Variants in FNBP1 observed in about 807,000 individuals in gnomAD.
The protein encoded by FNBP1 is formin-binding protein 1.
A neutral mutation model predicts 90.6 loss-of-function variants in FNBP1; 26 were observed. The ratio of observed to expected loss-of-function variants is 0.29; its 90% CI spans 0.21 to 0.40. FNBP1 has a LOEUF of 0.40. Among genes scored for constraint, FNBP1 ranks in the 10% least tolerant of loss-of-function variants. The pLI, the probability that FNBP1 is intolerant of heterozygous loss-of-function variation, is 1.00. For synonymous variants in FNBP1, 260 were observed against 265.2 expected (o/e 0.98, Z 0.19); for missense variants, 635 against 768.0 (o/e 0.83, Z 2.05).
intron 4 of FNBP1, among the ~76,000 whole-genome samples, chr9:129,964,426 T>C (rs1025724693): frequency 2.6e-5 from 4 of 152,050 alleles, no homozygotes; most frequent in African/African-American, 9.7e-5. Context: ...TAAAACATAA[T>C]AATAAGCTAA....
chr9:129,950,375 C>T (rs1282928791), intron 6 of FNBP1, among the ~76,000 whole-genome samples: 7 of 152,166 alleles, frequency 4.6e-5, no homozygotes, highest in South Asian at 2.1e-4. Flanking sequence ...AATAGCAAAA[C>T]GATGCTCCCA....
intron 13 of FNBP1, among the ~76,000 whole-genome samples, chr9:129,902,629 T>C (rs1030388755): frequency 2.0e-5 from 3 of 152,112 alleles, no homozygotes; most frequent in Non-Finnish European, 4.4e-5. Context: ...CCGCACCGTA[T>C]ACAGATACAA....
At position 129,902,891 on chromosome 9, in the gene FNBP1, C is replaced by T. The variant is rs751979219; in HGVS notation, c.1406G>A (p.Arg469Gln). The change falls in exon 13 of 17, where the codon CGA (arginine) becomes CAA (glutamine). Residue 469 changes from arginine (R) to glutamine (Q), a missense_variant. Transcript: ENST00000446176. ...TACCTCAAATTTCTGGGTCTCTACT[C>T]GCAGTTTCTCTATATTTTGGCTGAC... ...AEVSQNIEKL[R>Q]VETQKFEAWL... 1.2e-5 allele frequency: 19 copies of T among 1,613,526 alleles called. No individual in the cohort carries two copies. Among genetic ancestry groups the T allele is most frequent in the Non-Finnish European group, 1.4e-5 (17 of 1,179,828 alleles).
Position 129,988,991 on chromosome 9 carries a change from A to C in FNBP1, c.140+5852T>G, listed in dbSNP as rs146489891. Among the ~76,000 whole-genome samples the C allele has an allele frequency of 1.5e-3, 236 of 152,302 alleles. 2 individuals are homozygous for C. The highest frequency in any genetic ancestry group is 2.4e-3 in the Non-Finnish European group (162 of 68,024). On this transcript the variant is annotated intron_variant, in intron 2 of 16. Coordinates refer to ENST00000446176, the MANE Select transcript of FNBP1 (RefSeq NM_015033.3). ...CAACATCATATTACTATTTCAACCA[A>C]GTATCTGTTGAATATTCTGTAGCCA...
At chr9:129,981,050 CAAAA>C (rs71385498) in intron 2 of FNBP1, among the ~76,000 whole-genome samples, 6 of 120,472 alleles carry the variant, frequency 5.0e-5, no homozygotes, top group Admixed American at 1.7e-4. Flanking sequence ...GACTCCGTCT[CAAAA>C]AAAAAAAAAA....
At chr9:129,965,053 G>A (rs1005652856) in intron 4 of FNBP1, among the ~76,000 whole-genome samples, 1 of 152,154 alleles carries the variant, frequency 6.6e-6, no homozygotes, top group African/African-American at 2.4e-5. Flanking sequence ...AACTCACAGC[G>A]TAGTAGTGGG....
At chr9:129,931,330 G>A (rs774700753) in intron 6 of FNBP1, among the ~76,000 whole-genome samples, 7 of 152,006 alleles carry the variant, frequency 4.6e-5, no homozygotes, top group Non-Finnish European at 1.0e-4. Context: ...TTGGCTGGGC[G>A]CGGTGGCTCA....
intron 2 of FNBP1, among the ~76,000 whole-genome samples, chr9:129,990,608 G>A (rs753099381): frequency 1.6e-4 from 24 of 152,286 alleles, no homozygotes; most frequent in Admixed American, 4.6e-4. Flanking sequence ...TTCACCGTAA[G>A]GTTTTTGGAT....
At chr9:129,994,574 A>T (rs1159556757) in intron 2 of FNBP1, among the ~76,000 whole-genome samples, 1 of 152,204 alleles carries the variant, frequency 6.6e-6, no homozygotes, top group Non-Finnish European at 1.5e-5. Flanking sequence ...ATATTTCAAT[A>T]AAAAGTTTAC....
chr9:130,006,001 C>A (rs1296186678), intron 1 of FNBP1, among the ~76,000 whole-genome samples: 1 of 151,584 alleles, frequency 6.6e-6, no homozygotes, highest in Non-Finnish European at 1.5e-5. Flanking sequence ...TGTGAGGTAA[C>A]TGACAAAAAG....
chr9:129,934,557 C>T (rs554935933), intron 6 of FNBP1, among the ~76,000 whole-genome samples: 6 of 139,722 alleles, frequency 4.3e-5, no homozygotes, highest in Admixed American at 2.4e-4. Context: ...ATGGCTTATA[C>T]ATGATTTCAC....
chr9:129,917,641 A>C (rs181219016), intron 10 of FNBP1, among the ~76,000 whole-genome samples: 21 of 152,322 alleles, frequency 1.4e-4, no homozygotes, highest in African/African-American at 4.8e-4. Flanking sequence ...AGCCTAAAAA[A>C]CTAATTCTTA....
intron 1 of FNBP1, among the ~76,000 whole-genome samples, chr9:130,027,797 G>T (rs2058481931): frequency 6.6e-6 from 1 of 152,120 alleles, no homozygotes; most frequent in Non-Finnish European, 1.5e-5. Flanking sequence ...TCTATGGTTG[G>T]CTTCTCCGTA....
At chr9:130,051,192 C>T in the FNBP1 span, among the ~76,000 whole-genome samples, 3 of 151,880 alleles carry the variant, frequency 2.0e-5, no homozygotes, top group African/African-American at 4.8e-5. Context: ...TGAGCCACCG[C>T]CCCTGGCCTA....
chr9:129,990,937 T>G (rs2053040757), intron 2 of FNBP1, among the ~76,000 whole-genome samples: 1 of 150,102 alleles, frequency 6.7e-6, no homozygotes, highest in African/African-American at 2.5e-5. Context: ...CCAGGGTTTT[T>G]TTTTTTTTTT....
Position 130,042,734 on chromosome 9 carries a change from C to G in FNBP1, c.24+218G>C, listed in dbSNP as rs898652456. 1.3e-5 allele frequency among the ~76,000 whole-genome samples: 2 copies of G among 151,704 alleles called. No homozygotes were observed. The highest frequency in any genetic ancestry group is 1.3e-4 in the Admixed American group (2 of 15,232). On this transcript the variant is annotated intron_variant, in intron 1 of 16. Coordinates refer to ENST00000446176, the MANE Select transcript of FNBP1 (RefSeq NM_015033.3). This position sits in a 1 kb window ranked among gnomAD's most constrained non-coding sequence, Gnocchi z 5.5. Reference sequence around the variant, plus strand: ...TCCTCAGGCCGCCGGGGACCCGCACCAACTCCCCTCGCCTCCGAAGGACAA... The same window carrying G: ...TCCTCAGGCCGCCGGGGACCCGCACGAACTCCCCTCGCCTCCGAAGGACAA...
At chr9:129,937,995 T>C (rs1235145543) in intron 6 of FNBP1, among the ~76,000 whole-genome samples, 3 of 151,980 alleles carry the variant, frequency 2.0e-5, no homozygotes, top group African/African-American at 7.3e-5. Flanking sequence ...AAACCCCATC[T>C]CTACTAAAAA....
chr9:129,957,844 T>C lies in FNBP1; in HGVS notation c.409-380A>G, dbSNP rs2047188279. Among the ~76,000 whole-genome samples the C allele has an allele frequency of 6.6e-6, 1 of 152,182 alleles. No individual in the cohort carries two copies. The highest frequency in any genetic ancestry group is 6.5e-5 in the Admixed American group (1 of 15,278). ...CTGGGATTACAGGCGTGAGCCAATG[T>C]GTCTGGCCCAAGAATACTCTTCTCT... On this transcript the variant is annotated intron_variant, in intron 5 of 16. Transcript: ENST00000446176. The surrounding 1 kb of genome is among the most constrained non-coding windows in gnomAD (Gnocchi z 4.3).
chr9:129,916,064 G>C (rs540168144), intron 10 of FNBP1, 84 bp from the exon 11 acceptor site: 4 of 973,606 alleles, frequency 4.1e-6, no homozygotes, highest in Admixed American at 2.0e-5. Flanking sequence ...CACATCAGAA[G>C]AAGAGGAACT....
Sources: gnomAD v4.1 joint callset for allele counts (sites outside exome capture counted in the v4.1 genomes callset) on GRCh38, gnomAD v4.1.1 for gene constraint, Gnocchi (gnomAD v3.1) non-coding constraint, MANE v1.5 for transcripts, NCBI Gene and HGNC (gene_info 2026-07-23, HGNC 2026-07-21) for gene names.